The following SLC24A2 variants were observed in gnomAD, a reference collection of about 807,000 sequenced individuals.
SLC24A2 encodes the protein solute carrier family 24 member 2, also known as sodium/potassium/calcium exchanger 2.
Under a neutral mutation model 62.0 loss-of-function variants are expected in SLC24A2, and 36 were observed. That is an observed-to-expected ratio of 0.58 (90% CI 0.44 to 0.77). The LOEUF is 0.77. Ranked by LOEUF, SLC24A2 falls within the 30% of genes least tolerant of loss-of-function variation. SLC24A2 has a pLI of 0.00. For missense variants in SLC24A2, 846 were observed against 817.9 expected (o/e 1.03, Z -0.42); for synonymous variants, 358 against 294.0 (o/e 1.22, Z -2.23).
chr9:19,892,995 A>G, the SLC24A2 span, among the ~76,000 whole-genome samples: 1 of 152,208 alleles, frequency 6.6e-6, no homozygotes, highest in Non-Finnish European at 1.5e-5. Flanking sequence ...CTAGAGGGGA[A>G]GAAAACATGT....
the SLC24A2 span, among the ~76,000 whole-genome samples, chr9:19,818,889 A>C: frequency 6.6e-6 from 1 of 152,290 alleles, no homozygotes; most frequent in African/African-American, 2.4e-5. Flanking sequence ...TGCATAGCCA[A>C]AGCAAGACTA....
chr9:20,003,868 T>A, the SLC24A2 span, among the ~76,000 whole-genome samples: 3 of 150,438 alleles, frequency 2.0e-5, no homozygotes, highest in South Asian at 6.3e-4. Flanking sequence ...TTATGAAGAC[T>A]GCCTGAATGT....
At chr9:19,704,389 G>A (rs1232417903) in intron 2 of SLC24A2, among the ~76,000 whole-genome samples, 1 of 136,110 alleles carries the variant, frequency 7.3e-6, no homozygotes, top group African/African-American at 3.0e-5. Context: ...AGGAAATAGG[G>A]AAAGAGAGAG....
chr9:20,184,350 G>A, the SLC24A2 span, among the ~76,000 whole-genome samples: 1 of 152,084 alleles, frequency 6.6e-6, no homozygotes, highest in Non-Finnish European at 1.5e-5. Context: ...AGAGAAACGA[G>A]ACCATCCTGG....
At chr9:20,295,971 T>G in the SLC24A2 span, among the ~76,000 whole-genome samples, 2 of 152,208 alleles carry the variant, frequency 1.3e-5, no homozygotes, top group Non-Finnish European at 2.9e-5. Flanking sequence ...AATTTTGTAT[T>G]GGGGAAATCA....
chr9:19,521,382 C>T (rs1221514634), intron 9 of SLC24A2, among the ~76,000 whole-genome samples: 1 of 152,094 alleles, frequency 6.6e-6, no homozygotes, highest in Non-Finnish European at 1.5e-5. Context: ...GTAGAAAGGC[C>T]AATTGGCCAT....
chr9:20,270,658 C>T, the SLC24A2 span, among the ~76,000 whole-genome samples: 1 of 152,182 alleles, frequency 6.6e-6, no homozygotes, highest in East Asian at 1.9e-4. Flanking sequence ...GGCATACCTA[C>T]TCATTCATTC....
At chr9:19,644,481 G>C (rs539496740) in intron 2 of SLC24A2, among the ~76,000 whole-genome samples, 1 of 152,274 alleles carries the variant, frequency 6.6e-6, no homozygotes, top group South Asian at 2.1e-4. Flanking sequence ...AAAAATGAGG[G>C]AAGTGAGAAA....
chr9:19,573,728 C>G (rs549408452), intron 6 of SLC24A2, among the ~76,000 whole-genome samples: 160 of 152,182 alleles, frequency 1.1e-3, no homozygotes, highest in Non-Finnish European at 1.9e-3. Context: ...TACGGCCTGC[C>G]CCCTTAATAG....
At chr9:20,072,248 T>G in the SLC24A2 span, among the ~76,000 whole-genome samples, 4 of 152,162 alleles carry the variant, frequency 2.6e-5, no homozygotes, top group African/African-American at 4.8e-5. Context: ...TAGATCCTTC[T>G]TGGTCTCTCT....
At chr9:20,190,415 T>G in the SLC24A2 span, among the ~76,000 whole-genome samples, 1 of 152,152 alleles carries the variant, frequency 6.6e-6, no homozygotes, top group Non-Finnish European at 1.5e-5. Flanking sequence ...ATCTATTGTG[T>G]TTTTCAATAA....
Position 19,576,955 on chromosome 9 carries a change from G to T in SLC24A2, c.1197C>A (p.Asn399Lys), listed in dbSNP as rs369337900. The T allele has an allele frequency of 2.2e-5, 35 of 1,614,026 alleles. No individual in the cohort carries two copies. The highest frequency in any genetic ancestry group is 3.0e-5 in the Non-Finnish European group (35 of 1,179,926). The change falls in exon 6 of 11, where the codon AAC (asparagine) becomes AAA (lysine). Residue 399 changes from asparagine to lysine, a missense_variant. Physicochemically the swap from Asn to Lys is moderately conservative, Grantham distance 94. Transcript: ENST00000341998. ...IAKKKCHVDE[N>K]ERQNGAANHV... is the part of the protein sequence containing the mutation. ...GGTTGGCAGCCCCATTCTGCCTCTC[G>T]TTCTCATCCACATGACATTTCTTCT...
chr9:19,746,492 A>G (rs1236009025), intron 2 of SLC24A2, among the ~76,000 whole-genome samples: 2 of 152,158 alleles, frequency 1.3e-5, no homozygotes, highest in African/African-American at 4.8e-5. Context: ...ATTGAATTCA[A>G]TAAAAAACTC....
At position 19,514,098 on chromosome 9, in the gene SLC24A2, G is replaced by A. The variant is rs572730213; in HGVS notation, c.*2055C>T. On this transcript the variant is annotated 3_prime_UTR_variant, in exon 11 of 11. Coordinates refer to ENST00000341998, the MANE Select transcript of SLC24A2 (RefSeq NM_020344.4). ...TCTTGATTTCTTGTTTTCCCAGGGGGCCTCGGGTTTGAAGTGCTTTTTACT... is the reference window on the plus strand; with the variant it reads ...TCTTGATTTCTTGTTTTCCCAGGGGACCTCGGGTTTGAAGTGCTTTTTACT... 1.3e-5 allele frequency: 2 copies of A among 152,196 alleles called. No individual in the cohort carries two copies. The highest frequency in any genetic ancestry group is 2.4e-5 in the African/African-American group (1 of 41,434). 9.4% of individuals were successfully genotyped at this position (152,196 alleles called of 1,614,324 possible).
At chr9:19,613,427 A>T (rs973679667) in intron 4 of SLC24A2, among the ~76,000 whole-genome samples, 1 of 152,194 alleles carries the variant, frequency 6.6e-6, no homozygotes, top group Non-Finnish European at 1.5e-5. Flanking sequence ...GAAACCATCA[A>T]GGCACAGGAT....
rs149268626 is a variant in SLC24A2, at chr9:19,630,890, T to C, written c.931-8591A>G. Among the ~76,000 whole-genome samples the C allele has an allele frequency of 8.5e-5, 13 of 152,344 alleles. No homozygotes were observed. In the East Asian group the frequency reaches 2.3e-3, roughly 27 times the overall value. On this transcript the variant is annotated intron_variant, in intron 2 of 10. Transcript: ENST00000341998. The stretch of plus-strand genomic sequence containing the variant: ...AGTCTCACTCCTTGATCTGCTCTTC[T>C]TTCCCAAGAGAGGCCAAGAGGAAGC...
At chr9:20,046,842 T>C in the SLC24A2 span, among the ~76,000 whole-genome samples, 1 of 152,228 alleles carries the variant, frequency 6.6e-6, no homozygotes, top group South Asian at 2.1e-4. Flanking sequence ...TTTTCTCTCC[T>C]CTTAAAACAG....
chr9:19,830,842 T>C, the SLC24A2 span, among the ~76,000 whole-genome samples: 1 of 152,146 alleles, frequency 6.6e-6, no homozygotes, highest in African/African-American at 2.4e-5. Flanking sequence ...TATAACAAAA[T>C]ACCTAAGACT....
the SLC24A2 span, among the ~76,000 whole-genome samples, chr9:19,878,293 G>T: frequency 6.6e-6 from 1 of 152,188 alleles, no homozygotes; most frequent in Non-Finnish European, 1.5e-5. Flanking sequence ...TTGCTGCTAG[G>T]GGAAGGATTG....
Sources: allele counts gnomAD v4.1 joint callset (sites outside exome capture counted in the v4.1 genomes callset), GRCh38; gene constraint gnomAD v4.1.1; transcripts MANE v1.5; gene names NCBI Gene and HGNC (gene_info 2026-07-23, HGNC 2026-07-21).